Variants in RYR2 observed in about 807,000 individuals in gnomAD.
RYR2 encodes the protein ryanodine receptor 2, also known as cardiac muscle ryanodine receptor-calcium release channel.
RYR2 carries 227 observed loss-of-function variants against 601.1 expected under a neutral mutation model. That is an observed-to-expected ratio of 0.38 (90% CI 0.34 to 0.42). RYR2 has a LOEUF of 0.42. Ranked by LOEUF, RYR2 falls within the 10% of genes least tolerant of loss-of-function variation. The pLI is 1.00. For missense variants in RYR2, 4,646 were observed against 6,156.5 expected (o/e 0.75, Z 8.21); for synonymous variants, 2,223 against 2,175.1 (o/e 1.02, Z -0.61).
At chr1:237,241,593 G>T (rs1024196234) in intron 1 of RYR2, among the ~76,000 whole-genome samples, 1 of 152,156 alleles carries the variant, frequency 6.6e-6, no homozygotes, top group Non-Finnish European at 1.5e-5. Context: ...AGTTTATTAA[G>T]AAAGTAAAGG....
At chr1:237,342,389 A>G (rs974996659) in intron 3 of RYR2, among the ~76,000 whole-genome samples, 2 of 151,296 alleles carry the variant, frequency 1.3e-5, no homozygotes, top group Non-Finnish European at 2.9e-5. Flanking sequence ...CCTGACCTTA[A>G]GTGATCCTCC....
At chr1:237,505,000 G>C (rs985952562) in intron 22 of RYR2, among the ~76,000 whole-genome samples, 3 of 152,200 alleles carry the variant, frequency 2.0e-5, no homozygotes, top group African/African-American at 7.2e-5. Flanking sequence ...AGGAAACATG[G>C]AGTTTTCAAT....
intron 1 of RYR2, among the ~76,000 whole-genome samples, chr1:237,066,044 A>G (rs1350130885): frequency 6.6e-6 from 1 of 152,214 alleles, no homozygotes; most frequent in Non-Finnish European, 1.5e-5. Context: ...ACAATTTGAC[A>G]TGAGATTTGG....
At chr1:237,273,481 G>C (rs1275243506) in intron 2 of RYR2, among the ~76,000 whole-genome samples, 1 of 152,194 alleles carries the variant, frequency 6.6e-6, no homozygotes, top group Admixed American at 6.5e-5. Flanking sequence ...AGTACAGACT[G>C]TGGCACGAGG....
At position 237,705,352 on chromosome 1, in the gene RYR2, G is replaced by A. The variant is rs767679867; in HGVS notation, c.9580+9G>A. ...TTCACGAGAAAGAGCAGGTAACACAGAAACATGTGCAGTGCTTTGAGATAT... is the reference window on the plus strand; with the variant it reads ...TTCACGAGAAAGAGCAGGTAACACAAAAACATGTGCAGTGCTTTGAGATAT... On this transcript the variant is annotated intron_variant, in intron 67 of 104. Coordinates refer to ENST00000366574, the MANE Select transcript of RYR2 (RefSeq NM_001035.3). The A allele has an allele frequency of 4.8e-5, 76 of 1,599,822 alleles. No individual in the cohort carries two copies. The highest frequency in any genetic ancestry group is 1.2e-5 in the Non-Finnish European group (14 of 1,171,786).
intron 36 of RYR2, among the ~76,000 whole-genome samples, chr1:237,612,442 C>T (rs1290314954): frequency 1.3e-5 from 2 of 152,052 alleles, no homozygotes; most frequent in African/African-American, 4.8e-5. Flanking sequence ...TACAGTTCAA[C>T]AAAGATATTT....
At chr1:237,201,405 G>C (rs952654461) in intron 1 of RYR2, among the ~76,000 whole-genome samples, 3 of 152,214 alleles carry the variant, frequency 2.0e-5, no homozygotes, top group Non-Finnish European at 4.4e-5. Flanking sequence ...CAGATGAGAT[G>C]CACACGTGTG....
At chr1:237,340,602 T>G (rs1366251280) in intron 3 of RYR2, among the ~76,000 whole-genome samples, 1 of 152,214 alleles carries the variant, frequency 6.6e-6, no homozygotes, top group Non-Finnish European at 1.5e-5. Context: ...TTCTCAAATA[T>G]CTAGTCTAAC....
At position 237,628,191 on chromosome 1, in the gene RYR2, G is replaced by A. The variant is rs1447528610; in HGVS notation, c.6440+111G>A. On this transcript the variant is annotated intron_variant, in intron 41 of 104. Transcript: ENST00000366574. Reference sequence around the variant, plus strand: ...TAAAAATATATTGTCTGGATTATACGATTATTATACTAAATAGCTTTTCTT... The same window carrying A: ...TAAAAATATATTGTCTGGATTATACAATTATTATACTAAATAGCTTTTCTT... 39 of 1,209,596 alleles carry A rather than the reference G, an allele frequency of 3.2e-5. No homozygotes were observed. The Admixed American group carries it at 6.7e-4, about 21-fold the overall frequency. 74.9% of individuals were successfully genotyped at this position (1,209,596 alleles called of 1,614,324 possible).
intron 2 of RYR2, among the ~76,000 whole-genome samples, chr1:237,302,004 A>G (rs1162780251): frequency 6.6e-6 from 1 of 152,212 alleles, no homozygotes; most frequent in African/African-American, 2.4e-5. Context: ...TTATCAAATT[A>G]TTTGACACTG....
chr1:237,801,966 A>G (rs541516542), intron 98 of RYR2, 50 bp downstream of exon 98: 6 of 1,122,542 alleles, frequency 5.3e-6, no homozygotes, highest in African/African-American at 1.5e-5. Context: ...ATTAGATAAG[A>G]CTGTGGGAGT....
chr1:237,654,474 T>C (rs1683056101), intron 52 of RYR2, 60 bp downstream of exon 52: 1 of 1,532,600 alleles, frequency 6.5e-7, no homozygotes, highest in Admixed American at 1.8e-5. Flanking sequence ...CCACACATTC[T>C]TAGTAAGATA....
intron 20 of RYR2, among the ~76,000 whole-genome samples, chr1:237,500,238 ACT>A (rs1380746442): frequency 6.6e-6 from 1 of 152,170 alleles, no homozygotes; most frequent in East Asian, 1.9e-4. Flanking sequence ...TGTGCCTGAG[ACT>A]CTGTTACTTG....
At chr1:237,659,710 T>C (rs1366816807) in intron 54 of RYR2, among the ~76,000 whole-genome samples, 1 of 152,202 alleles carries the variant, frequency 6.6e-6, no homozygotes, top group African/African-American at 2.4e-5. Flanking sequence ...AATCTCTAGA[T>C]AAAAGACTTG....
At chr1:237,369,391 G>A in intron 5 of RYR2, 143 bp from the exon 6 acceptor site, 2 of 724,506 alleles carry the variant, frequency 2.8e-6, no homozygotes, top group South Asian at 3.0e-5. Flanking sequence ...TATTTCAACA[G>A]CACTTTGCTT....
chr1:237,352,486 G>A (rs1225344724), intron 3 of RYR2, among the ~76,000 whole-genome samples: 1 of 152,032 alleles, frequency 6.6e-6, no homozygotes, highest in East Asian at 1.9e-4. Flanking sequence ...TTCATATATT[G>A]GGAGGCTCAA....
At chr1:237,233,245 C>T (rs1685179379) in intron 1 of RYR2, among the ~76,000 whole-genome samples, 1 of 152,154 alleles carries the variant, frequency 6.6e-6, no homozygotes, top group Non-Finnish European at 1.5e-5. Context: ...TCTGTGTTTC[C>T]ATTCATTTTT....
chr1:237,439,420 G>A (rs1707692913), intron 12 of RYR2, among the ~76,000 whole-genome samples: 1 of 152,134 alleles, frequency 6.6e-6, no homozygotes, highest in Non-Finnish European at 1.5e-5. Flanking sequence ...CGAGGTGGGT[G>A]GATCACCTGA....
intron 11 of RYR2, among the ~76,000 whole-genome samples, chr1:237,419,396 T>A (rs944934546): frequency 1.2e-4 from 18 of 152,208 alleles, no homozygotes; most frequent in Non-Finnish European, 1.9e-4. Flanking sequence ...AAATCTAGAT[T>A]ATTCTTCAAA....
Sources: allele counts gnomAD v4.1 joint callset (sites outside exome capture counted in the v4.1 genomes callset), GRCh38; gene constraint gnomAD v4.1.1; transcripts MANE v1.5; gene names NCBI Gene and HGNC (gene_info 2026-07-23, HGNC 2026-07-21).